The following P2RY12 variants were observed in gnomAD, a reference collection of about 807,000 sequenced individuals.
The protein encoded by P2RY12 is P2Y purinoceptor 12.
In P2RY12, 3 loss-of-function variants were observed where a neutral mutation model predicts 4.5. The observed-to-expected ratio is 0.67, with a 90% CI of 0.31 to 1.74. The LOEUF (loss-of-function observed/expected upper bound fraction) is 1.74, where lower values mean the gene tolerates loss of function less well. Ranked by LOEUF, P2RY12 falls within the 40% of genes most tolerant of loss-of-function variation. The pLI is 0.09. For synonymous variants in P2RY12, 148 were observed against 154.1 expected (o/e 0.96, Z 0.29); for missense variants, 356 against 407.8 (o/e 0.87, Z 1.09).
chr3:151,350,326 T>A, intron 1 of P2RY12: 2 of 882,140 alleles, frequency 2.3e-6, no homozygotes, highest in Non-Finnish European at 1.6e-6. Context: ...TGAATGACTC[T>A]CACATTGAAA....
intron 1 of P2RY12, among the ~76,000 whole-genome samples, chr3:151,352,582 C>T (rs566691908): frequency 6.6e-6 from 1 of 152,218 alleles, no homozygotes; most frequent in Non-Finnish European, 1.5e-5. Context: ...GGAAAACAGA[C>T]CTTGTGTTAG....
chr3:151,355,487 G>A (rs982280657), intron 1 of P2RY12, among the ~76,000 whole-genome samples: 6 of 152,110 alleles, frequency 3.9e-5, no homozygotes, highest in African/African-American at 1.4e-4. Flanking sequence ...AATAGCTAAT[G>A]AAATAGTTAG....
At chr3:151,342,286 C>G (rs931770964) in intron 1 of P2RY12, among the ~76,000 whole-genome samples, 1 of 152,200 alleles carries the variant, frequency 6.6e-6, no homozygotes, top group African/African-American at 2.4e-5. Context: ...AACACACCTC[C>G]CTGGTGTCTC....
intron 1 of P2RY12, among the ~76,000 whole-genome samples, chr3:151,381,965 T>A (rs1409162973): frequency 3.3e-5 from 5 of 152,304 alleles, no homozygotes; most frequent in South Asian, 4.1e-4. Context: ...AGGGTTTTTG[T>A]TAGTGGTTTT....
rs114716416 is a variant in P2RY12, at chr3:151,357,109, A to G, written c.-179-16349T>C. 2.0e-4 allele frequency: 188 copies of G among 949,350 alleles called. 1 individual carries two copies. The African/African-American group carries it at 2.8e-3, about 14-fold the overall frequency. 58.8% of individuals were successfully genotyped at this position (949,350 alleles called of 1,614,324 possible). On this transcript the variant is annotated intron_variant, in intron 1 of 2. Transcript: ENST00000302632. ...TAAAAAAGTTAAATTTAGGGAATGT[A>G]TTTGTAGTGTAATGACTCAGTATAT...
intron 1 of P2RY12, among the ~76,000 whole-genome samples, chr3:151,356,835 T>G (rs7428575): frequency 0.34 from 51,655 of 152,058 alleles, 8,991 homozygotes; most frequent in South Asian, 0.39. Flanking sequence ...AAGACTTGGT[T>G]TCCTTTGTTT....
chr3:151,378,759 G>C (rs966518759), intron 1 of P2RY12, among the ~76,000 whole-genome samples: 1 of 152,002 alleles, frequency 6.6e-6, no homozygotes, highest in Admixed American at 6.6e-5. Flanking sequence ...AAGAAACCTA[G>C]GAGTAAAGGA....
chr3:151,342,167 T>C (rs1281300685), intron 1 of P2RY12, among the ~76,000 whole-genome samples: 1 of 152,236 alleles, frequency 6.6e-6, no homozygotes, highest in African/African-American at 2.4e-5. Context: ...ACTTCCACAA[T>C]GGTTGAACTA....
intron 2 of P2RY12, among the ~76,000 whole-genome samples, chr3:151,340,009 C>A (rs1751604851): frequency 6.6e-6 from 1 of 152,056 alleles, no homozygotes; most frequent in South Asian, 2.1e-4. Context: ...CACTTAAATT[C>A]CCCAAAATGT....
intron 1 of P2RY12, among the ~76,000 whole-genome samples, chr3:151,381,519 C>T (rs763931083): frequency 2.2e-4 from 34 of 152,192 alleles, no homozygotes; most frequent in Non-Finnish European, 4.6e-4. Context: ...AGCAAATTCT[C>T]ATTTCAGTGC....
At chr3:151,345,280 C>T (rs1288813722) in intron 1 of P2RY12, among the ~76,000 whole-genome samples, 1 of 152,158 alleles carries the variant, frequency 6.6e-6, no homozygotes. Context: ...GATGCTTTTC[C>T]TTGTCCAACA....
intron 1 of P2RY12, chr3:151,382,847 T>G: frequency 1.2e-6 from 1 of 838,016 alleles, no homozygotes; most frequent in Non-Finnish European, 1.9e-6. Flanking sequence ...CATTACAAGG[T>G]GAGGCCTTCC....
intron 1 of P2RY12, chr3:151,365,214 GGGTTACCCT>G (rs769134003): frequency 6.2e-7 from 1 of 1,605,918 alleles, no homozygotes; most frequent in Non-Finnish European, 8.5e-7. Context: ...CAGGTGAGAT[GGGTTACCCT>G]GGAATTCATG....
intron 1 of P2RY12, among the ~76,000 whole-genome samples, chr3:151,358,139 A>G (rs969197673): frequency 2.6e-5 from 4 of 152,134 alleles, no homozygotes; most frequent in Non-Finnish European, 4.4e-5. Context: ...CATGTAATCA[A>G]TTTATATGCT....
chr3:151,358,570 T>G (rs1754219784), intron 1 of P2RY12, among the ~76,000 whole-genome samples: 1 of 149,810 alleles, frequency 6.7e-6, no homozygotes, highest in Admixed American at 6.7e-5. Context: ...AGTTTTTTTG[T>G]TTTTGTTTTT....
chr3:151,365,044 G>A (rs1415187136), intron 1 of P2RY12: 7 of 1,613,910 alleles, frequency 4.3e-6, no homozygotes, highest in South Asian at 1.1e-5. Context: ...TCGAACTTGC[G>A]ATGGGATCCA....
intron 1 of P2RY12, chr3:151,350,139 T>C: frequency 6.2e-7 from 1 of 1,613,774 alleles, no homozygotes; most frequent in Non-Finnish European, 8.5e-7. Flanking sequence ...AAGCAAGGCA[T>C]CAGCTGAAGA....
At chr3:151,382,926 G>T (rs1272592512) in intron 1 of P2RY12, among the ~76,000 whole-genome samples, 1 of 152,056 alleles carries the variant, frequency 6.6e-6, no homozygotes, top group African/African-American at 2.4e-5. Context: ...TTTCCTTCCT[G>T]TCTGGTCAGA....
chr3:151,338,682 C>T lies in P2RY12; in HGVS notation c.164G>A (p.Ser55Asn), dbSNP rs1315405766. ...LAMRIFFQIR[S>N]KSNFIIFLKN... ...AAGAAAAATAATAAAGTTTGATTTA[C>T]TCCGGATTTGAAAGAAAATCCTCAT... The change falls in exon 3 of 3, where the codon AGT (serine) becomes AAT (asparagine). Residue 55 changes from serine to asparagine, a missense_variant. Transcript: ENST00000302632. 2.5e-6 allele frequency: 4 copies of T among 1,613,712 alleles called. No homozygotes were observed. Among genetic ancestry groups the T allele is most frequent in the Admixed American group, 3.3e-5 (2 of 59,892 alleles).
Sources: gnomAD v4.1 joint callset for allele counts (sites outside exome capture counted in the v4.1 genomes callset) on GRCh38, gnomAD v4.1.1 for gene constraint, MANE v1.5 for transcripts, NCBI Gene and HGNC (gene_info 2026-07-23, HGNC 2026-07-21) for gene names.